CELA3A: variants seen among roughly 807,000 people sequenced by gnomAD.
The protein encoded by CELA3A is chymotrypsin like elastase 3A.
In CELA3A, 35 loss-of-function variants were observed where a neutral mutation model predicts 38.6. The ratio of observed to expected loss-of-function variants is 0.91; its 90% confidence interval spans 0.69 to 1.20. CELA3A has a LOEUF of 1.20. Ranked by LOEUF, CELA3A falls within the 50% of genes most tolerant of loss-of-function variation. The pLI is 0.00. For missense variants in CELA3A, 343 were observed against 354.2 expected, an observed-to-expected ratio of 0.97 and a Z score of 0.25; for synonymous variants, 143 against 136.7, an observed-to-expected ratio of 1.05 and a Z score of -0.32.
At chr1:22,005,565 C>G (rs763169632) in intron 3 of CELA3A, 21 bp downstream of exon 3, 5 of 1,612,634 alleles carry the variant, frequency 3.1e-6, no homozygotes, top group Admixed American at 3.3e-5. Context: ...TACCCTGTCC[C>G]TGCCTGTGGC....
At chr1:22,006,601 G>A (rs1411567593) in intron 4 of CELA3A, among the ~76,000 whole-genome samples, 4 of 150,674 alleles carry the variant, frequency 2.7e-5, no homozygotes, top group African/African-American at 9.9e-5. Context: ...GCTCATGCCT[G>A]TAATTCCAGC....
chr1:22,004,575 T>C (rs1229494168), intron 2 of CELA3A, among the ~76,000 whole-genome samples: 2 of 151,794 alleles, frequency 1.3e-5, no homozygotes, highest in Non-Finnish European at 2.9e-5. Context: ...CATGGTAGCA[T>C]GAAAGCAGAC....
At chr1:22,008,152 CTT>C (rs71016968) in intron 6 of CELA3A, among the ~76,000 whole-genome samples, 5 of 86,842 alleles carry the variant, frequency 5.8e-5, no homozygotes, top group East Asian at 2.9e-4. Flanking sequence ...GACGTTGTCT[CTT>C]TTTTTTTTTT....
chr1:22,006,502 G>A (rs886137402), intron 4 of CELA3A, among the ~76,000 whole-genome samples: 2 of 151,154 alleles, frequency 1.3e-5, no homozygotes, highest in African/African-American at 4.9e-5. Context: ...ACTCCAGCCT[G>A]GGCAACAGAG....
At chr1:22,003,519 A>G (rs2152819177) in intron 2 of CELA3A, among the ~76,000 whole-genome samples, 1 of 150,520 alleles carries the variant, frequency 6.6e-6, no homozygotes, top group East Asian at 2.0e-4. Flanking sequence ...TGGCTATTTA[A>G]ATTTAATTAA....
intron 6 of CELA3A, among the ~76,000 whole-genome samples, chr1:22,007,762 C>T (rs1644960130): frequency 6.6e-6 from 1 of 151,250 alleles, no homozygotes; most frequent in African/African-American, 2.4e-5. Flanking sequence ...CTCCCTGGTC[C>T]TCAGGCTTCC....
Position 22,005,465 on chromosome 1 carries a change from A to G in CELA3A, c.148A>G (p.Lys50Glu). 3 of 1,612,754 alleles carry G rather than the reference A, an allele frequency of 1.9e-6. No individual in the cohort carries two copies. The highest frequency in any genetic ancestry group is 1.1e-5 in the South Asian group (1 of 91,044). ...CCACCAGGTTTCCCTGCAGTATGAG[A>G]AAAGTGGAAGCTTCTACCACACGTG... ...WPWQVSLQYEKSGSFYHTCGG... is the reference protein window; with the variant it reads ...WPWQVSLQYEESGSFYHTCGG... The change falls in exon 3 of 8, where the codon AAA (lysine) becomes GAA (glutamate). Residue 50 changes from lysine (K) to glutamate (E), a missense_variant. By Grantham distance (56) the Lys-to-Glu change is moderately conservative. Transcript: ENST00000290122.
chr1:22,009,370 A>AAAAT (rs978177891), intron 6 of CELA3A, among the ~76,000 whole-genome samples: 4 of 150,512 alleles, frequency 2.7e-5, no homozygotes, highest in East Asian at 2.0e-4. Flanking sequence ...TCTCTAATAA[A>AAAAT]AAATAAATAA....
At chr1:22,007,554 T>A (rs1226303003) in intron 6 of CELA3A, 39 bp downstream of exon 6, 1 of 1,582,538 alleles carries the variant, frequency 6.3e-7, no homozygotes, top group Non-Finnish European at 8.6e-7. Flanking sequence ...GTGCTGGGTG[T>A]GCAGGACCTT....
intron 4 of CELA3A, 178 bp downstream of exon 4, chr1:22,005,974 A>C: frequency 9.5e-7 from 1 of 1,047,594 alleles, no homozygotes; most frequent in East Asian, 2.6e-5. Flanking sequence ...GATTGAAGCC[A>C]GCAGAGCCTT....
At chr1:22,006,457 G>T (rs978850426) in intron 4 of CELA3A, among the ~76,000 whole-genome samples, 1 of 151,260 alleles carries the variant, frequency 6.6e-6, no homozygotes, top group Non-Finnish European at 1.5e-5. Flanking sequence ...AACTCGGGAG[G>T]CGGAGGCTGC....
intron 5 of CELA3A, among the ~76,000 whole-genome samples, 171 bp downstream of exon 5, chr1:22,007,185 T>C (rs1338101194): frequency 6.6e-6 from 1 of 151,578 alleles, no homozygotes; most frequent in African/African-American, 2.4e-5. Flanking sequence ...CAATTGCACA[T>C]GTTTTGGTAT....
At chr1:22,001,974 C>G (rs564454943) in intron 1 of CELA3A, among the ~76,000 whole-genome samples, 2 of 150,996 alleles carry the variant, frequency 1.3e-5, no homozygotes, top group Admixed American at 6.6e-5. Context: ...CAAAGTCAAA[C>G]GGTTAAGAGT....
rs1391009246 is a variant in CELA3A, at chr1:22,005,696, T to G, written c.262T>G (p.Tyr88Asp). Residue 88 changes from tyrosine to aspartate, a missense_variant, in exon 4 of 8, where the codon TAC becomes GAC. By Grantham distance (160) the Tyr-to-Asp change is radical. Coordinates refer to ENST00000290122, the MANE Select transcript of CELA3A (RefSeq NM_005747.5). ...GACCTACCAGGTGGTGTTGGGTGAG[T>G]ACAACCTTGCTGTGAAGGAGGGCCC... Reference protein sequence around the residue: ...DLTYQVVLGEYNLAVKEGPEQ... With the variant: ...DLTYQVVLGEDNLAVKEGPEQ... 8.7e-6 allele frequency: 14 copies of G among 1,612,102 alleles called. No individual in the cohort carries two copies. Among genetic ancestry groups the G allele is most frequent in the South Asian group, 1.1e-5 (1 of 91,030 alleles).
At chr1:22,002,129 G>A (rs539716115) in intron 1 of CELA3A, among the ~76,000 whole-genome samples, 1 of 151,110 alleles carries the variant, frequency 6.6e-6, no homozygotes, top group East Asian at 2.0e-4. Context: ...TTCCAGCTCA[G>A]GGCCACCTCT....
At chr1:22,003,421 A>G (rs1490860540) in intron 2 of CELA3A, among the ~76,000 whole-genome samples, 1 of 151,108 alleles carries the variant, frequency 6.6e-6, no homozygotes, top group African/African-American at 2.5e-5. Context: ...ATGATACTAC[A>G]GGGCTTTGAG....
intron 7 of CELA3A, 74 bp downstream of exon 7, chr1:22,009,931 G>T: frequency 6.5e-7 from 1 of 1,541,308 alleles, no homozygotes; most frequent in Non-Finnish European, 8.7e-7. Context: ...AGAAACATCG[G>T]ATCCTGGGGA....
At chr1:22,005,298 G>A (rs1180476711) in intron 2 of CELA3A, 149 bp from the exon 3 acceptor site, 1 of 930,242 alleles carries the variant, frequency 1.1e-6, no homozygotes, top group African/African-American at 1.7e-5. Context: ...CAGGTCGCAG[G>A]TTGTATGCTG....
chr1:22,009,663 T>C lies in CELA3A; in HGVS notation c.643-42T>C, dbSNP rs1184071421. The C allele has an allele frequency of 2.5e-6, 4 of 1,598,940 alleles. 1 individual carries two copies. The highest frequency in any genetic ancestry group is 3.4e-6 in the Non-Finnish European group (4 of 1,176,120). On this transcript the variant is annotated intron_variant, in intron 6 of 7. Coordinates refer to ENST00000290122, the MANE Select transcript of CELA3A (RefSeq NM_005747.5). ...GAATTCAGAACCAGTTCCGTAAACC[T>C]CAGACATGGCTCAGCCACCCACTCC...
Sources: allele counts gnomAD v4.1 joint callset (sites outside exome capture counted in the v4.1 genomes callset), GRCh38; gene constraint gnomAD v4.1.1; transcripts MANE v1.5; gene names NCBI Gene and HGNC (gene_info 2026-07-23, HGNC 2026-07-21).